ACOT7: variants seen among roughly 807,000 people sequenced by gnomAD.
ACOT7 encodes cytosolic acyl coenzyme A thioester hydrolase.
ACOT7 carries 12 observed loss-of-function variants against 40.2 expected under a neutral mutation model. The observed-to-expected ratio is 0.30, with a 90% CI of 0.19 to 0.48. The LOEUF (loss-of-function observed/expected upper bound fraction) is 0.48, where lower values mean the gene tolerates loss of function less well. ACOT7 is among the 20% of genes least tolerant of loss of function. The probability of loss-of-function intolerance (pLI) is 0.99; values close to 1 mark genes in which losing one functional copy is unlikely to be tolerated. For synonymous variants in ACOT7, 228 were observed against 219.5 expected, an observed-to-expected ratio of 1.04 and a Z score of -0.34; for missense variants, 395 against 530.8, an observed-to-expected ratio of 0.74 and a Z score of 2.51.
chr1:6,393,348 C>T lies in ACOT7; in HGVS notation c.52G>A (p.Ala18Thr). 1 of 1,249,824 alleles carries T rather than the reference C, an allele frequency of 8.0e-7. No homozygotes were observed. The highest frequency in any genetic ancestry group is 1.0e-6 in the Non-Finnish European group (1 of 996,920). The allele number at this position is 1,249,824 out of a possible 1,614,324, so 77.4% of individuals were successfully genotyped here. Reference sequence around the variant, plus strand: ...GATGCGGCGGGCGGCTGCAGAAGGGCGCAGGTGTCTGGCAGGCCCGGCGCG... The same window carrying T: ...GATGCGGCGGGCGGCTGCAGAAGGGTGCAGGTGTCTGGCAGGCCCGGCGCG... ...HSAPGLPDTC[A>T]LLQPPAASAA... Residue 18 changes from alanine to threonine, a missense_variant, in exon 1 of 9, where the codon GCC becomes ACC. Ala to Thr is a moderately conservative substitution (Grantham distance 58). Around this residue, in one of 2 missense-constraint regions of ACOT7, gnomAD observed 86 missense variants for 60.5 expected, o/e 1.42. Transcript: ENST00000361521.
At position 6,306,189 on chromosome 1, in the gene ACOT7, G is replaced by A. The variant is rs1640149896; in HGVS notation, c.713-11209C>T. 1.1e-6 allele frequency: 1 copy of A among 930,754 alleles called. No homozygotes were observed. Among genetic ancestry groups the A allele is most frequent in the Non-Finnish European group, 1.3e-6 (1 of 784,984 alleles). The allele number at this position is 930,754 out of a possible 1,614,324, so 57.7% of individuals were successfully genotyped here. ...CAGAGGGAGACCGTGGCAAGAGAGG[G>A]AGAGGGAGACCGTGGGGAGAGGGGG... On this transcript the variant is annotated intron_variant, in intron 6 of 8. Transcript: ENST00000361521. The surrounding 1 kb of genome is among the most constrained non-coding windows in gnomAD (Gnocchi z 4.3).
At chr1:6,281,739 C>T (rs1639365436) in intron 7 of ACOT7, among the ~76,000 whole-genome samples, 1 of 152,148 alleles carries the variant, frequency 6.6e-6, no homozygotes, top group South Asian at 2.1e-4. Flanking sequence ...ACCGGAGCCA[C>T]AGCTGCCCCA....
At chr1:6,377,670 T>C (rs1642259437) in intron 1 of ACOT7, among the ~76,000 whole-genome samples, 1 of 152,154 alleles carries the variant, frequency 6.6e-6, no homozygotes, top group Non-Finnish European at 1.5e-5. Flanking sequence ...AAGTGTAGTA[T>C]CAAAAGCAAT....
intron 6 of ACOT7, among the ~76,000 whole-genome samples, chr1:6,298,182 T>C (rs1224314273): frequency 3.3e-5 from 5 of 152,194 alleles, no homozygotes; most frequent in Admixed American, 3.3e-4. Flanking sequence ...TCACCCAGGC[T>C]GGAGTGCAGT....
intron 8 of ACOT7, among the ~76,000 whole-genome samples, chr1:6,279,841 G>A (rs891406589): frequency 3.3e-5 from 5 of 152,190 alleles, no homozygotes; most frequent in Non-Finnish European, 5.9e-5. Flanking sequence ...GGCTGGGAGA[G>A]GGGCTTGGAG....
At chr1:6,365,565 C>G (rs964039667) in intron 1 of ACOT7, among the ~76,000 whole-genome samples, 2 of 151,910 alleles carry the variant, frequency 1.3e-5, no homozygotes. Context: ...GTCAGGAGAT[C>G]GAGACCATCC....
chr1:6,342,159 G>A (rs57758970), intron 2 of ACOT7, among the ~76,000 whole-genome samples: 1 of 152,218 alleles, frequency 6.6e-6, no homozygotes, highest in Non-Finnish European at 1.5e-5. Context: ...GGGACGGGCA[G>A]ATTCCATGCC....
intron 4 of ACOT7, among the ~76,000 whole-genome samples, chr1:6,327,789 T>TCTTTTC (rs1640846238): frequency 6.6e-6 from 1 of 152,268 alleles, no homozygotes; most frequent in African/African-American, 2.4e-5. Context: ...CTTTTCTTTG[T>TCTTTTC]TTTTGAGATG....
intron 7 of ACOT7, among the ~76,000 whole-genome samples, chr1:6,284,307 T>C (rs1222581855): frequency 6.6e-6 from 1 of 152,140 alleles, no homozygotes; most frequent in East Asian, 1.9e-4. Flanking sequence ...CCGGGCGCAG[T>C]GGCTCATACC....
intron 6 of ACOT7, among the ~76,000 whole-genome samples, chr1:6,298,789 C>T (rs565000783): frequency 6.6e-6 from 1 of 152,232 alleles, no homozygotes; most frequent in Non-Finnish European, 1.5e-5. Context: ...GCAAGCCCAG[C>T]CCTCACAGGG....
intron 6 of ACOT7, among the ~76,000 whole-genome samples, chr1:6,308,602 T>C (rs566968557): frequency 1.5e-3 from 212 of 138,166 alleles, no homozygotes; most frequent in Non-Finnish European, 2.3e-3. Flanking sequence ...CAGAGGGAAC[T>C]ACAACCGGGC....
At chr1:6,383,760 A>G (rs1272617817) in intron 1 of ACOT7, among the ~76,000 whole-genome samples, 1 of 151,336 alleles carries the variant, frequency 6.6e-6, no homozygotes, top group African/African-American at 2.4e-5. Context: ...GCTGGAGTGC[A>G]GTGGCACGAT....
At chr1:6,302,511 TGCCTCA>T (rs1446332223) in intron 6 of ACOT7, among the ~76,000 whole-genome samples, 2 of 151,926 alleles carry the variant, frequency 1.3e-5, no homozygotes, top group Non-Finnish European at 2.9e-5. Context: ...GAAAAACCAG[TGCCTCA>T]GCCTCCACCC....
At chr1:6,268,273 C>T (rs1404264934) in intron 8 of ACOT7, among the ~76,000 whole-genome samples, 2 of 152,202 alleles carry the variant, frequency 1.3e-5, no homozygotes, top group Non-Finnish European at 2.9e-5. Flanking sequence ...AAAACCTCCA[C>T]AGTTGAGAGC....
chr1:6,378,582 C>A (rs1642279069), intron 1 of ACOT7, among the ~76,000 whole-genome samples: 1 of 151,970 alleles, frequency 6.6e-6, no homozygotes. Context: ...CATAGCTGAA[C>A]CTCCAGCCCT....
rs762062299 is a variant in ACOT7, at chr1:6,318,478, C to T, written c.712+14G>A. The T allele has an allele frequency of 3.9e-5, 63 of 1,612,230 alleles. No homozygotes were observed. The highest frequency in any genetic ancestry group is 1.2e-4 in the South Asian group (11 of 90,682). On this transcript the variant is annotated intron_variant, in intron 6 of 8. Coordinates refer to ENST00000361521, the MANE Select transcript of ACOT7 (RefSeq NM_007274.4). The stretch of plus-strand genomic sequence containing the variant: ...AGGGACAGGAATGGAGTGGCCAGGG[C>T]GCTTCCTTCTTACCTCCGTGCACAA...
intron 6 of ACOT7, among the ~76,000 whole-genome samples, chr1:6,296,463 G>A (rs1041838915): frequency 6.1e-5 from 9 of 148,354 alleles, no homozygotes; most frequent in African/African-American, 2.0e-4. Flanking sequence ...TCGCACTGTC[G>A]CCCAGGCTGG....
chr1:6,348,989 G>A (rs1300172902), intron 2 of ACOT7, among the ~76,000 whole-genome samples: 21 of 152,330 alleles, frequency 1.4e-4, no homozygotes, highest in South Asian at 2.1e-4. Context: ...CACAGAAGGT[G>A]TGCTGACCGA....
rs545772076 is a variant in ACOT7 at position 6,358,884 on chromosome 1, C to T, written c.144-9018G>A. ...TCCCAGGATCAGATGCAGAGAAAGG[C>T]GAGGGAGCAGGGAAGCATCACAGAG... On this transcript the variant is annotated intron_variant, in intron 1 of 8. Transcript: ENST00000361521. This position sits in a 1 kb window ranked among gnomAD's most constrained non-coding sequence, Gnocchi z 4.1. The T allele has an allele frequency of 7.5e-5, 121 of 1,612,658 alleles. No homozygotes were observed. The South Asian group carries it at 1.1e-3, about 15-fold the overall frequency.
Sources: allele counts gnomAD v4.1 joint callset (sites outside exome capture counted in the v4.1 genomes callset), GRCh38; gene constraint gnomAD v4.1.1; regional missense constraint gnomAD v4.1.1; non-coding constraint Gnocchi (gnomAD v3.1); transcripts MANE v1.5; gene names NCBI Gene and HGNC (gene_info 2026-07-23, HGNC 2026-07-21).